Variants in FAM153A observed in about 807,000 individuals in gnomAD.
FAM153A encodes family with sequence similarity 153 member A.
Under a neutral mutation model 48.1 loss-of-function variants are expected in FAM153A, and 12 were observed. The observed-to-expected ratio is 0.25, with a 90% CI of 0.16 to 0.40. FAM153A has a LOEUF of 0.40. Among genes scored for constraint, FAM153A ranks in the 10% least tolerant of loss-of-function variants. The pLI is 1.00. For missense variants in FAM153A, 111 were observed against 345.8 expected, an observed-to-expected ratio of 0.32 and a Z score of 5.38; for synonymous variants, 36 against 118.2, an observed-to-expected ratio of 0.30 and a Z score of 4.51.
At chr5:177,748,890 C>T (rs1766427475) in intron 2 of FAM153A, among the ~76,000 whole-genome samples, 191 bp from the exon 5 acceptor site, 1 of 138,892 alleles carries the variant, frequency 7.2e-6, no homozygotes, top group Non-Finnish European at 1.5e-5. Flanking sequence ...CCACAGAAGT[C>T]AGGACCTGGT....
At position 177,769,039 on chromosome 5, in the gene FAM153A, T is replaced by C. The variant is rs6894310; in HGVS notation, c.-57+11410A>G. ...GAGATCAAGACCATCCTGGCTAACA[T>C]GGTGAAACCCCACCTCTACTAAAGA... On this transcript the variant is annotated intron_variant, in intron 1 of 8. Transcript: ENST00000393518. Among the ~76,000 whole-genome samples the C allele has an allele frequency of 9.1e-4, 70 of 76,504 alleles. 12 individuals carry two copies. The highest frequency in any genetic ancestry group is 4.5e-3 in the South Asian group (9 of 2,018). The allele number at this position is 76,504 out of a possible 152,430, so 50.2% of individuals were successfully genotyped here. A position where few individuals can be genotyped will look rare whatever the true frequency, so the allele number is the denominator to read the frequency against.
chr5:177,727,024 T>C (rs1463736963), intron 18 of FAM153A, among the ~76,000 whole-genome samples: 4 of 151,020 alleles, frequency 2.6e-5, no homozygotes, highest in Non-Finnish European at 5.9e-5. Context: ...ATGAATTTTT[T>C]CATTTATTTT....
chr5:177,694,288 G>C, the FAM153A span, among the ~76,000 whole-genome samples: 1 of 147,490 alleles, frequency 6.8e-6, no homozygotes, highest in East Asian at 2.0e-4. Flanking sequence ...ATGGACACCT[G>C]TCAGTCCCAC....
intron 1 of FAM153A, among the ~76,000 whole-genome samples, chr5:177,760,790 A>G (rs1768241815): frequency 1.0e-5 from 1 of 98,900 alleles, no homozygotes; most frequent in South Asian, 4.2e-4. Flanking sequence ...GGCAGGCTAC[A>G]GAAGAGGAAA....
chr5:177,715,799 G>T (rs1432060404), intron 25 of FAM153A, among the ~76,000 whole-genome samples: 1 of 151,558 alleles, frequency 6.6e-6, no homozygotes, highest in African/African-American at 2.4e-5. Context: ...TAACTCCTAA[G>T]CTCAAGTGAT....
intron 1 of FAM153A, among the ~76,000 whole-genome samples, chr5:177,759,675 G>A (rs900572807): frequency 3.6e-4 from 54 of 151,502 alleles, no homozygotes; most frequent in African/African-American, 1.3e-3. Context: ...GGACATGGAT[G>A]AAGCTGGAAA....
At chr5:177,768,289 G>A (rs1768866241) in intron 1 of FAM153A, among the ~76,000 whole-genome samples, 1 of 151,520 alleles carries the variant, frequency 6.6e-6, no homozygotes, top group African/African-American at 2.4e-5. Context: ...CAGCCATCTG[G>A]AAGCTCTCCA....
chr5:177,717,428 A>C (rs1392872889), downstream of FAM153A: 4 of 150,466 alleles, frequency 2.7e-5, no homozygotes, highest in Non-Finnish European at 5.9e-5. Flanking sequence ...GAATGAGAAA[A>C]ATCACCATTG....
upstream of FAM153A, among the ~76,000 whole-genome samples, chr5:177,755,022 T>C (rs944223576): frequency 9.9e-5 from 15 of 151,746 alleles, no homozygotes; most frequent in Admixed American, 2.6e-4. Context: ...AGGATTCAGA[T>C]GATCAAACTT....
chr5:177,712,323 T>G (rs1219027968), exon 27 of FAM153A: 6 of 151,738 alleles, frequency 4.0e-5, no homozygotes, highest in African/African-American at 1.5e-4. Flanking sequence ...AATATAAAAA[T>G]TTGCTGGGAG....
upstream of FAM153A, chr5:177,781,807 C>T (rs1769695640): frequency 1.0e-5 from 1 of 97,340 alleles, no homozygotes; most frequent in Admixed American, 1.1e-4. Context: ...CAAGCTGCGC[C>T]TCCCGGGTTC....
At chr5:177,702,531 C>T in the FAM153A span, among the ~76,000 whole-genome samples, 20 of 151,960 alleles carry the variant, frequency 1.3e-4, no homozygotes, top group East Asian at 1.4e-3. Flanking sequence ...AATTTGCATA[C>T]GTAAAAAGGT....
chr5:177,768,002 G>C (rs1433346012), intron 1 of FAM153A, among the ~76,000 whole-genome samples: 4 of 69,980 alleles, frequency 5.7e-5, no homozygotes, highest in Non-Finnish European at 8.5e-5. Context: ...AAAGGGCTCA[G>C]TCCCATGAAA....
chr5:177,694,790 A>G, the FAM153A span, among the ~76,000 whole-genome samples: 11 of 130,842 alleles, frequency 8.4e-5, no homozygotes, highest in East Asian at 1.1e-3. Flanking sequence ...ACCATGAAGA[A>G]AGGAAAACTT....
chr5:177,706,368 T>G (rs1017295122), downstream of FAM153A, among the ~76,000 whole-genome samples: 1 of 151,650 alleles, frequency 6.6e-6, no homozygotes, highest in Admixed American at 6.6e-5. Context: ...GGCTACTTTT[T>G]TTTTGTATTT....
chr5:177,707,896 C>G (rs1242772107), downstream of FAM153A: 3 of 151,940 alleles, frequency 2.0e-5, no homozygotes, highest in African/African-American at 4.9e-5. Flanking sequence ...GCAGAAGGGG[C>G]AGCAATGTCT....
chr5:177,709,205 A>G (rs1758154682), downstream of FAM153A, among the ~76,000 whole-genome samples: 1 of 148,960 alleles, frequency 6.7e-6, no homozygotes, highest in Non-Finnish European at 1.5e-5. Flanking sequence ...CATTCTGTTC[A>G]ACACGGTAAC....
intron 1 of FAM153A, among the ~76,000 whole-genome samples, chr5:177,771,121 TA>T (rs1769088896): frequency 1.0e-5 from 1 of 97,608 alleles, no homozygotes; most frequent in Non-Finnish European, 2.1e-5. Context: ...AGAAAATACA[TA>T]AAACAAATAA....
intron 6 of FAM153A, among the ~76,000 whole-genome samples, chr5:177,743,477 T>C (rs1765642366): frequency 8.8e-6 from 1 of 114,004 alleles, no homozygotes; most frequent in South Asian, 3.5e-4. Context: ...GCTGAAACTC[T>C]ATATGACCCT....
Sources: allele counts gnomAD v4.1 joint callset (sites outside exome capture counted in the v4.1 genomes callset), GRCh38; gene constraint gnomAD v4.1.1; transcripts MANE v1.5; gene names NCBI Gene and HGNC (gene_info 2026-07-23, HGNC 2026-07-21).